The following USH2A variants were observed in gnomAD, a reference collection of about 807,000 sequenced individuals.
USH2A encodes usherin, also known as Usher syndrome 2A (autosomal recessive, mild).
USH2A carries 443 observed loss-of-function variants against 538.9 expected under a neutral mutation model. That is an observed-to-expected ratio of 0.82 (90% CI 0.76 to 0.89). The LOEUF is 0.89. USH2A is among the 40% of genes least tolerant of loss of function. The pLI is 0.00. For missense variants in USH2A, 6,633 were observed against 6,324.8 expected, an observed-to-expected ratio of 1.05 and a Z score of -1.65; for synonymous variants, 2,413 against 2,273.5, an observed-to-expected ratio of 1.06 and a Z score of -1.75.
In USH2A at chr1:215,674,226, A is replaced by G. The variant is rs2102664718; in HGVS notation, c.13685T>C (p.Ile4562Thr). 4 of 1,614,098 alleles carry G rather than the reference A, an allele frequency of 2.5e-6. No individual in the cohort carries two copies. Among genetic ancestry groups the G allele is most frequent in the Non-Finnish European group, 3.4e-6 (4 of 1,180,006 alleles). ...WDPPVRTNGD[I>T]INYTLFIREL... is the part of the protein sequence containing the mutation. ...ACGGATGAAGAGGGTATAATTGATGATATCACCATTTGTTCTCACTGGAGG... is the reference window on the plus strand; with the variant it reads ...ACGGATGAAGAGGGTATAATTGATGGTATCACCATTTGTTCTCACTGGAGG... Residue 4562 changes from isoleucine (I) to threonine (T), a missense_variant, in exon 63 of 72, where the codon ATC becomes ACC. Transcript: ENST00000307340.
chr1:215,727,208 CAT>C (rs1322837165), intron 61 of USH2A, among the ~76,000 whole-genome samples: 2 of 151,920 alleles, frequency 1.3e-5, no homozygotes, highest in African/African-American at 2.4e-5. Flanking sequence ...TATACACACA[CAT>C]ACATACACAC....
At chr1:215,833,531 T>C (rs1011509595) in intron 47 of USH2A, among the ~76,000 whole-genome samples, 1 of 151,958 alleles carries the variant, frequency 6.6e-6, no homozygotes, top group Admixed American at 6.6e-5. Context: ...CCTCAGTGTA[T>C]ACAAAAATTA....
intron 4 of USH2A, among the ~76,000 whole-genome samples, chr1:216,331,937 A>C (rs1015381471): frequency 1.3e-5 from 2 of 152,138 alleles, no homozygotes; most frequent in Admixed American, 6.6e-5. Flanking sequence ...CTTATTGAGA[A>C]CTCTGGAAAT....
chr1:216,032,546 A>T, intron 32 of USH2A, among the ~76,000 whole-genome samples: 1 of 152,144 alleles, frequency 6.6e-6, no homozygotes, highest in East Asian at 1.9e-4. Flanking sequence ...GTGTGGGTGG[A>T]ATCTGTGAAT....
In USH2A at chr1:215,888,967, C is replaced by T; in HGVS notation, c.7682G>A (p.Gly2561Glu). 1 of 1,614,038 alleles carries T rather than the reference C, an allele frequency of 6.2e-7. No homozygotes were observed. The highest frequency in any genetic ancestry group is 2.2e-5 in the East Asian group (1 of 44,860). The change falls in exon 41 of 72, where the codon GGG becomes GAG. Residue 2561 changes from glycine (G) to glutamate (E), a missense_variant. By Grantham distance (98) the Gly-to-Glu change is moderately conservative. Coordinates refer to ENST00000307340, the MANE Select transcript of USH2A (RefSeq NM_206933.4). Reference protein sequence around the residue: ...VTWQHPRKSNGVITHYNIYLH... With the variant: ...VTWQHPRKSNEVITHYNIYLH... ...ATAAATGTTATAATGGGTAATAACC[C>T]CATTGGATTTTCTAGGATGCTGCCA... is the stretch of plus-strand genomic sequence containing the variant.
rs188567761 is a variant in USH2A at position 216,126,459 on chromosome 1, G to A, written c.4628-29246C>T. Among the ~76,000 whole-genome samples the A allele has an allele frequency of 1.4e-4, 21 of 152,150 alleles. No individual in the cohort carries two copies. In the East Asian group the frequency reaches 2.9e-3, roughly 21 times the overall value. Reference sequence around the variant, plus strand: ...AGGCTGGTCTTGAACTCCTGACCTCGTGATCTGCCTGCCTTGGCCTCCCAA... The same window carrying A: ...AGGCTGGTCTTGAACTCCTGACCTCATGATCTGCCTGCCTTGGCCTCCCAA... On this transcript the variant is annotated intron_variant, in intron 21 of 71. Transcript: ENST00000307340.
intron 9 of USH2A, among the ~76,000 whole-genome samples, chr1:216,300,632 G>C (rs1374853231): frequency 6.6e-6 from 1 of 151,840 alleles, no homozygotes; most frequent in Non-Finnish European, 1.5e-5. Context: ...TCATTAAACT[G>C]AAGTATAGTG....
chr1:216,013,430 T>C (rs1176410234), intron 32 of USH2A, among the ~76,000 whole-genome samples: 1 of 151,916 alleles, frequency 6.6e-6, no homozygotes, highest in Non-Finnish European at 1.5e-5. Flanking sequence ...TTTCATTTTA[T>C]TTTTCTTATT....
chr1:215,738,494 T>C (rs1660214476), intron 60 of USH2A, among the ~76,000 whole-genome samples: 1 of 152,138 alleles, frequency 6.6e-6, no homozygotes, highest in Non-Finnish European at 1.5e-5. Context: ...CATTCTTCTA[T>C]CTTTAATAGG....
chr1:216,102,239 A>C (rs540430151), intron 21 of USH2A, among the ~76,000 whole-genome samples: 5 of 151,926 alleles, frequency 3.3e-5, no homozygotes, highest in African/African-American at 1.2e-4. Flanking sequence ...GAAATGCAAA[A>C]TGAAATGCAA....
Position 216,200,856 on chromosome 1 carries a change from G to A in USH2A, c.3317-735C>T, listed in dbSNP as rs187816869. On this transcript the variant is annotated intron_variant, in intron 16 of 71. Transcript: ENST00000307340. Reference sequence around the variant, plus strand: ...TACCAGAGTGGCTGCTGCCTGCTCCGCCATGGGGCTGTTTGCATTGGAGAT... The same window carrying A: ...TACCAGAGTGGCTGCTGCCTGCTCCACCATGGGGCTGTTTGCATTGGAGAT... Among the ~76,000 whole-genome samples the A allele has an allele frequency of 8.5e-5, 13 of 152,200 alleles. No individual in the cohort carries two copies. In the East Asian group the frequency reaches 1.2e-3, roughly 14 times the overall value.
intron 21 of USH2A, among the ~76,000 whole-genome samples, chr1:216,116,592 C>CT (rs200920065): frequency 2.0e-5 from 3 of 151,988 alleles, no homozygotes; most frequent in Admixed American, 2.0e-4. Context: ...TGCCAGACTC[C>CT]CTTGGAAAAA....
intron 48 of USH2A, among the ~76,000 whole-genome samples, chr1:215,816,572 C>G (rs1456127750): frequency 6.6e-6 from 1 of 151,976 alleles, no homozygotes; most frequent in African/African-American, 2.4e-5. Context: ...TATTATTGAT[C>G]TGATTTCTAA....
chr1:216,318,373 A>G (rs544258065), intron 9 of USH2A, among the ~76,000 whole-genome samples: 1 of 152,334 alleles, frequency 6.6e-6, no homozygotes, highest in African/African-American at 2.4e-5. Flanking sequence ...AAGCATTAGA[A>G]TAGGTATATT....
At chr1:215,976,206 C>T (rs1361453485) in intron 35 of USH2A, among the ~76,000 whole-genome samples, 1 of 152,156 alleles carries the variant, frequency 6.6e-6, no homozygotes, top group Non-Finnish European at 1.5e-5. Context: ...GTTCCAGGAA[C>T]TTTCTGGTGG....
In USH2A at chr1:215,741,581, G is replaced by A. The variant is rs140627449; in HGVS notation, c.11549-44C>T. 1,511 of 1,601,012 alleles carry A rather than the reference G, an allele frequency of 9.4e-4. 14 individuals are homozygous for A. In the African/African-American group the frequency reaches 0.018, roughly 19 times the overall value. On this transcript the variant is annotated intron_variant, in intron 59 of 71. Transcript: ENST00000307340. ...GAGGTCTTTATTATTTTTCAAGCAA[G>A]GAAAAGAACTACATATTCATACAGA...
chr1:216,112,986 G>A (rs910635549), intron 21 of USH2A, among the ~76,000 whole-genome samples: 3 of 151,766 alleles, frequency 2.0e-5, no homozygotes, highest in East Asian at 3.9e-4. Flanking sequence ...TGGGATTGCT[G>A]GGTCAAATGG....
intron 47 of USH2A, among the ~76,000 whole-genome samples, chr1:215,817,634 C>G (rs1662895748): frequency 6.6e-6 from 1 of 152,072 alleles, no homozygotes; most frequent in East Asian, 1.9e-4. Context: ...GATGGGACTC[C>G]TATGGAGGTT....
intron 47 of USH2A, among the ~76,000 whole-genome samples, chr1:215,832,582 A>C (rs1272932533): frequency 6.6e-6 from 1 of 151,968 alleles, no homozygotes; most frequent in Non-Finnish European, 1.5e-5. Context: ...TCAGCAAATT[A>C]AAAATAAAAA....
Sources: gnomAD v4.1 joint callset for allele counts (sites outside exome capture counted in the v4.1 genomes callset) on GRCh38, gnomAD v4.1.1 for gene constraint, MANE v1.5 for transcripts, NCBI Gene and HGNC (gene_info 2026-07-23, HGNC 2026-07-21) for gene names.